The following CYP4V2 variants were observed in gnomAD, a reference collection of about 807,000 sequenced individuals.
The protein encoded by CYP4V2 is cytochrome P450 family 4 subfamily V member 2, also known as cytochrome P450 4V2.
In CYP4V2, 55 loss-of-function variants were observed where a neutral mutation model predicts 60.8. That is an observed-to-expected ratio of 0.90 (90% CI 0.73 to 1.13). The LOEUF is 1.13. CYP4V2 is among the 50% of genes most tolerant of loss of function. The probability of loss-of-function intolerance (pLI) is 0.00; values close to 1 mark genes in which losing one functional copy is unlikely to be tolerated. For synonymous variants in CYP4V2, 239 were observed against 236.8 expected (o/e 1.01, Z -0.08); for missense variants, 675 against 662.9 (o/e 1.02, Z -0.20).
intron 1 of CYP4V2, among the ~76,000 whole-genome samples, chr4:186,194,237 C>G (rs1243417712): frequency 1.3e-5 from 2 of 152,128 alleles, no homozygotes; most frequent in East Asian, 3.9e-4. Context: ...GACATCAAAA[C>G]CTAATAATTA....
chr4:186,193,295 G>C (rs767045241), intron 1 of CYP4V2, among the ~76,000 whole-genome samples: 2 of 152,100 alleles, frequency 1.3e-5, no homozygotes, highest in Non-Finnish European at 2.9e-5. Context: ...TACTGTTTTG[G>C]GGATTCCAGT....
chr4:186,204,402 T>C (rs57994834), intron 7 of CYP4V2: 6,520 of 165,010 alleles, frequency 0.04, 1,053 homozygotes, highest in East Asian at 0.18. Flanking sequence ...GCGTAAGAGG[T>C]GGCGGTGGAG....
At chr4:186,194,258 A>G (rs923964656) in intron 1 of CYP4V2, among the ~76,000 whole-genome samples, 4 of 152,170 alleles carry the variant, frequency 2.6e-5, no homozygotes, top group African/African-American at 4.8e-5. Flanking sequence ...TTATTCTCTA[A>G]TAGCTAACAT....
rs61755911 is a variant in CYP4V2 at position 186,208,888 on chromosome 4, G to A, written c.1114G>A (p.Val372Ile). 1.1e-3 allele frequency: 1,804 copies of A among 1,614,214 alleles called. 23 individuals carry two copies. The African/African-American group carries it at 0.02, about 18-fold the overall frequency. Reference protein sequence around the residue: ...VFGKSDRPATVEDLKKLRYLE... With the variant: ...VFGKSDRPATIEDLKKLRYLE... ...AGGGAAGTCTGACCGTCCCGCTACA[G>A]TAGAAGACCTGAAGAAACTTCGGTA... Residue 372 changes from valine to isoleucine, a missense_variant, in exon 9 of 11, where the codon GTA (valine) becomes ATA (isoleucine). By Grantham distance (29) the Val-to-Ile change is conservative. Coordinates refer to ENST00000378802, the MANE Select transcript of CYP4V2 (RefSeq NM_207352.4).
At position 186,191,677 on chromosome 4, in the gene CYP4V2, T is replaced by G; in HGVS notation, c.-147T>G. ...CTGGCCGCCGCCCGGGCGGGAAACG[T>G]CGTTCCGGGGACCGGGCGACCCCGC... On this transcript the variant is annotated 5_prime_UTR_variant, in exon 1 of 11. Transcript: ENST00000378802. 2 of 711,952 alleles carry G rather than the reference T, an allele frequency of 2.8e-6. No homozygotes were observed. Among genetic ancestry groups the G allele is most frequent in the Non-Finnish European group, 3.8e-6 (2 of 521,976 alleles). The allele number at this position is 711,952 out of a possible 1,614,324, so 44.1% of individuals were successfully genotyped here. A position where few individuals can be genotyped will look rare whatever the true frequency, so the allele number is the denominator to read the frequency against.
At chr4:186,201,126 G>C in intron 6 of CYP4V2, 31 bp from the exon 7 acceptor site, 3 of 1,611,516 alleles carry the variant, frequency 1.9e-6, no homozygotes, top group Non-Finnish European at 2.5e-6. Flanking sequence ...AGTCCAAACA[G>C]AAGCATGTGA....
intron 8 of CYP4V2, among the ~76,000 whole-genome samples, chr4:186,206,334 A>G (rs1361753311): frequency 1.3e-5 from 2 of 152,134 alleles, no homozygotes; most frequent in Non-Finnish European, 2.9e-5. Context: ...TAATTTAATC[A>G]AATCTGCCAA....
chr4:186,204,239 AGGT>A, intron 7 of CYP4V2: 1 of 169,962 alleles, frequency 5.9e-6, no homozygotes, highest in Non-Finnish European at 1.3e-5. Flanking sequence ...CTGGCGTAAG[AGGT>A]GGCGGTGGAG....
In CYP4V2 at chr4:186,194,410, AT is replaced by A. The variant is rs1259984191; in HGVS notation, c.215-88del. On this transcript the variant is annotated intron_variant, in intron 1 of 10. Coordinates refer to ENST00000378802, the MANE Select transcript of CYP4V2 (RefSeq NM_207352.4). ...CAGTAACATATTACAGAATTAGTAT[AT>A]TCATCAAAATGAGAAAACAAACCTT... 3.7e-6 allele frequency: 4 copies of A among 1,081,624 alleles called. No homozygotes were observed. The East Asian group carries it at 9.5e-5, about 26-fold the overall frequency. 67.0% of individuals were successfully genotyped at this position (1,081,624 alleles called of 1,614,324 possible).
chr4:186,202,526 T>C (rs1736335337), intron 7 of CYP4V2: 1 of 152,188 alleles, frequency 6.6e-6, no homozygotes, highest in Admixed American at 6.5e-5. Flanking sequence ...CCGGGTGTTA[T>C]TATTGCATGT....
intron 8 of CYP4V2, among the ~76,000 whole-genome samples, chr4:186,207,560 TA>T (rs1736560247): frequency 7.2e-6 from 1 of 139,596 alleles, no homozygotes; most frequent in South Asian, 2.5e-4. Context: ...TATATTAAAA[TA>T]TATAAAAATA....
chr4:186,202,561 C>T (rs1736337071), intron 7 of CYP4V2: 1 of 152,188 alleles, frequency 6.6e-6, no homozygotes, highest in South Asian at 2.1e-4. Context: ...CTCACATCTT[C>T]ACCTTGCCCA....
rs1031360376 is a variant in CYP4V2 at position 186,211,621 on chromosome 4, A to C, written c.*980A>C. Reference sequence around the variant, plus strand: ...GCCACCATGCCTGGCCCAAAGTTCTAGAATTTTTTAAAGGTATTCATGGTG... The same window carrying C: ...GCCACCATGCCTGGCCCAAAGTTCTCGAATTTTTTAAAGGTATTCATGGTG... On this transcript the variant is annotated 3_prime_UTR_variant, in exon 11 of 11. Transcript: ENST00000378802. The C allele has an allele frequency of 6.6e-6, 1 of 151,772 alleles. No individual in the cohort carries two copies. The highest frequency in any genetic ancestry group is 2.4e-5 in the African/African-American group (1 of 41,188). The allele number at this position is 151,772 out of a possible 1,614,324, so 9.4% of individuals were successfully genotyped here. A position where few individuals can be genotyped will look rare whatever the true frequency, so the allele number is the denominator to read the frequency against.
Position 186,195,951 on chromosome 4 carries a change from G to T in CYP4V2, c.328-52G>T. 1 of 1,291,258 alleles carries T rather than the reference G, an allele frequency of 7.7e-7. No individual in the cohort carries two copies. The highest frequency in any genetic ancestry group is 1.1e-6 in the Non-Finnish European group (1 of 890,290). 80.0% of individuals were successfully genotyped at this position (1,291,258 alleles called of 1,614,324 possible). A position where few individuals can be genotyped will look rare whatever the true frequency, so the allele number is the denominator to read the frequency against. ...CTAGCCAGTATTCCTATAATTACAGGAAGGTTGTTTGATGTCTGTATGTCT... is the reference window on the plus strand; with the variant it reads ...CTAGCCAGTATTCCTATAATTACAGTAAGGTTGTTTGATGTCTGTATGTCT... On this transcript the variant is annotated intron_variant, in intron 2 of 10. Transcript: ENST00000378802. The surrounding 1 kb of genome is among the most constrained non-coding windows in gnomAD (Gnocchi z 4.1).
chr4:186,210,766 C>A lies in CYP4V2; in HGVS notation c.*125C>A. ...CCCCTAGACCTAATTTTTCCTTGAT[C>A]CCACTGATCTTGACATCAAGTCTAA... On this transcript the variant is annotated 3_prime_UTR_variant, in exon 11 of 11. Transcript: ENST00000378802. 8.7e-7 allele frequency: 1 copy of A among 1,144,866 alleles called. No homozygotes were observed. The highest frequency in any genetic ancestry group is 1.3e-6 in the Non-Finnish European group (1 of 792,958). 70.9% of individuals were successfully genotyped at this position (1,144,866 alleles called of 1,614,324 possible). A position where few individuals can be genotyped will look rare whatever the true frequency, so the allele number is the denominator to read the frequency against.
chr4:186,196,569 G>C (rs1481984643), intron 3 of CYP4V2: 1 of 303,010 alleles, frequency 3.3e-6, no homozygotes, highest in East Asian at 8.6e-5. Flanking sequence ...GATCAAGGTA[G>C]AACCATGGAG....
intron 7 of CYP4V2, chr4:186,204,681 T>G: frequency 4.6e-6 from 1 of 216,540 alleles, no homozygotes; most frequent in Non-Finnish European, 9.5e-6. Flanking sequence ...TTTGTGCAGA[T>G]TAATTCAGTT....
intron 4 of CYP4V2, 56 bp downstream of exon 4, chr4:186,197,186 C>G: frequency 1.3e-6 from 2 of 1,589,418 alleles, no homozygotes; most frequent in South Asian, 2.2e-5. Flanking sequence ...ATGGCCCAAA[C>G]AGGAAATCAC....
rs763492201 is a variant in CYP4V2, at chr4:186,209,138, A to G, written c.1271A>G (p.Tyr424Cys). The G allele has an allele frequency of 3.1e-6, 5 of 1,613,990 alleles. No individual in the cohort carries two copies. Among genetic ancestry groups the G allele is most frequent in the African/African-American group, 1.3e-5 (1 of 74,900 alleles). Reference protein sequence around the residue: ...LKGTEAVIIPYALHRDPRYFP... With the variant: ...LKGTEAVIIPCALHRDPRYFP... Reference sequence around the variant, plus strand: ...GGCACTGAAGCCGTCATCATTCCCTATGCATTGCACAGAGATCCGAGATAC... The same window carrying G: ...GGCACTGAAGCCGTCATCATTCCCTGTGCATTGCACAGAGATCCGAGATAC... The change falls in exon 10 of 11, where the codon TAT becomes TGT. Residue 424 changes from tyrosine (Y) to cysteine (C), a missense_variant. Transcript: ENST00000378802.
Sources: gnomAD v4.1 joint callset for allele counts (sites outside exome capture counted in the v4.1 genomes callset) on GRCh38, gnomAD v4.1.1 for gene constraint, Gnocchi (gnomAD v3.1) non-coding constraint, MANE v1.5 for transcripts, NCBI Gene and HGNC (gene_info 2026-07-23, HGNC 2026-07-21) for gene names.